Variants in FAT1 observed in about 807,000 individuals in gnomAD.
FAT1 encodes the protein FAT atypical cadherin 1.
A neutral mutation model predicts 329.8 loss-of-function variants in FAT1; 171 were observed. That is an observed-to-expected ratio of 0.52 (90% CI 0.46 to 0.59). The LOEUF (loss-of-function observed/expected upper bound fraction) is 0.59, where lower values mean the gene tolerates loss of function less well. Among genes scored for constraint, FAT1 ranks in the 20% least tolerant of loss-of-function variants. FAT1 has a pLI of 0.00. For missense variants in FAT1, 5,672 were observed against 5,774.4 expected, an observed-to-expected ratio of 0.98 and a Z score of 0.57; for synonymous variants, 2,233 against 2,228.6, an observed-to-expected ratio of 1.00 and a Z score of -0.06.
chr4:186,642,508 T>C (rs150881673), intron 3 of FAT1, among the ~76,000 whole-genome samples: 2,061 of 152,298 alleles, frequency 0.014, 29 homozygotes, highest in Non-Finnish European at 0.019. Flanking sequence ...AAATATGTGC[T>C]AGAGTGAGAG....
At chr4:186,694,691 A>G (rs1336384387) in intron 2 of FAT1, among the ~76,000 whole-genome samples, 4 of 152,150 alleles carry the variant, frequency 2.6e-5, no homozygotes, top group African/African-American at 7.2e-5. Context: ...GGCTGGGTAC[A>G]GTGGTTCACA....
In FAT1 at chr4:186,709,030, T is replaced by C. The variant is rs746262538; in HGVS notation, c.798A>G (p.Glu266=). 1 of 1,614,020 alleles carries C rather than the reference T, an allele frequency of 6.2e-7. No individual in the cohort carries two copies. Among genetic ancestry groups the C allele is most frequent in the South Asian group, 1.1e-5 (1 of 91,086 alleles). Residue 266 remains glutamate (E), a synonymous_variant, in exon 2 of 27, where the codon GAA becomes GAG. Coordinates refer to ENST00000441802, the MANE Select transcript of FAT1 (RefSeq NM_005245.4). The stretch of plus-strand genomic sequence containing the variant: ...TTGCATATGCTGGGTCCCTGTCCAG[T>C]TCTGATGGTGACAATGTCACTGCTG... ...VITAVTLSPS[E]LDRDPAYAIV...
At chr4:186,665,168 A>G (rs1009226077) in intron 2 of FAT1, among the ~76,000 whole-genome samples, 3 of 152,194 alleles carry the variant, frequency 2.0e-5, no homozygotes, top group Non-Finnish European at 2.9e-5. Context: ...ATTATTTCAT[A>G]CTGAACCTTC....
Position 186,709,459 on chromosome 4 carries a change from A to G in FAT1, c.369T>C (p.Leu123=), listed in dbSNP as rs2126704373. 1 of 1,613,948 alleles carries G rather than the reference A, an allele frequency of 6.2e-7. No individual in the cohort carries two copies. The highest frequency in any genetic ancestry group is 8.5e-7 in the Non-Finnish European group (1 of 1,179,890). ...KDHYTLIVKA[L]EKNTNVEART... ...GCGCCTCCACATTAGTATTTTTTTC[A>G]AGTGCTTTCACTATCAATGTGTAGT... is the stretch of plus-strand genomic sequence containing the variant. The change falls in exon 2 of 27, where the codon CTT becomes CTC. Residue 123 remains leucine, a synonymous_variant. Coordinates refer to ENST00000441802, the MANE Select transcript of FAT1 (RefSeq NM_005245.4).
At chr4:186,590,123 T>A (rs542669075) in intron 26 of FAT1, among the ~76,000 whole-genome samples, 14 of 149,278 alleles carry the variant, frequency 9.4e-5, no homozygotes, top group Admixed American at 4.7e-4. Flanking sequence ...ACCACTATTT[T>A]AAAAAAAAAC....
intron 21 of FAT1, among the ~76,000 whole-genome samples, chr4:186,600,939 T>C (rs1738784141): frequency 6.6e-6 from 1 of 152,230 alleles, no homozygotes; most frequent in Admixed American, 6.5e-5. Context: ...CTCAAATTCC[T>C]GACCTCAAGT....
Position 186,643,366 on chromosome 4 carries a change from A to G in FAT1, c.3581-3583T>C, listed in dbSNP as rs545659183. ...AGATATTTCAGACTGACAAAAACAA[A>G]CAAATAACAACAACAAACTTTCTTT... is the stretch of plus-strand genomic sequence containing the variant. On this transcript the variant is annotated intron_variant, in intron 3 of 26. Transcript: ENST00000441802. 1.2e-4 allele frequency among the ~76,000 whole-genome samples: 19 copies of G among 152,332 alleles called. No homozygotes were observed. In the East Asian group the frequency reaches 2.7e-3, roughly 22 times the overall value.
rs75594057 is a variant in FAT1, at chr4:186,699,961, G to A, written c.3265+6602C>T. On this transcript the variant is annotated intron_variant, in intron 2 of 26. Transcript: ENST00000441802. ...TGAACATTAAACCTCTACACACACA[G>A]GTCACTCAACAAATTACGAACACCC... Among the ~76,000 whole-genome samples the A allele has an allele frequency of 4.9e-4, 75 of 152,220 alleles. 1 individual carries two copies. The East Asian group carries it at 0.012, about 24-fold the overall frequency.
chr4:186,658,418 T>G (rs914283928), intron 3 of FAT1, among the ~76,000 whole-genome samples: 2 of 152,194 alleles, frequency 1.3e-5, no homozygotes, highest in Non-Finnish European at 2.9e-5. Context: ...GCTTTCTTGT[T>G]GTGACTTTTA....
At chr4:186,625,296 A>G (rs1251971234) in intron 9 of FAT1, among the ~76,000 whole-genome samples, 1 of 152,250 alleles carries the variant, frequency 6.6e-6, no homozygotes, top group Non-Finnish European at 1.5e-5. Context: ...ACCAGTGGAA[A>G]AAAACTTCAT....
chr4:186,654,333 G>A (rs1239893660), intron 3 of FAT1, among the ~76,000 whole-genome samples: 1 of 152,172 alleles, frequency 6.6e-6, no homozygotes, highest in Non-Finnish European at 1.5e-5. Flanking sequence ...CCTAACGAAA[G>A]TTCTGTTCCA....
Position 186,603,509 on chromosome 4 carries a change from C to T in FAT1, c.11017G>A (p.Val3673Met), listed in dbSNP as rs78759955. The T allele has an allele frequency of 1.2e-6, 2 of 1,613,984 alleles. No homozygotes were observed. The highest frequency in any genetic ancestry group is 1.3e-5 in the African/African-American group (1 of 75,050). Reference sequence around the variant, plus strand: ...ACAATCTGTATGTCGTTCCTCCTCACACCCAGGATGTTCCGTAAAGCTCGC... The same window carrying T: ...ACAATCTGTATGTCGTTCCTCCTCATACCCAGGATGTTCCGTAAAGCTCGC... ...FQRALRNILG[V>M]RRNDIQIVSL... The change falls in exon 19 of 27, where the codon GTG becomes ATG. Residue 3673 changes from valine (V) to methionine (M), a missense_variant. Coordinates refer to ENST00000441802, the MANE Select transcript of FAT1 (RefSeq NM_005245.4).
chr4:186,703,567 C>T (rs1039535602), intron 2 of FAT1, among the ~76,000 whole-genome samples: 2 of 152,216 alleles, frequency 1.3e-5, no homozygotes, highest in South Asian at 2.1e-4. Context: ...CAAACAGTTA[C>T]GTGGACAGGT....
rs1744870787 is a variant in FAT1, at chr4:186,709,843, A to C, written c.-16T>G. 1.3e-6 allele frequency: 2 copies of C among 1,576,554 alleles called. No individual in the cohort carries two copies. Among genetic ancestry groups the C allele is most frequent in the Non-Finnish European group, 1.7e-6 (2 of 1,157,418 alleles). ...GTCTCCCCATTGCTTAACTGTCGGG[A>C]ATCTGAAACAGAAGAAATCAGAATC... On this transcript the variant is annotated splice_region_variant and 5_prime_UTR_variant, in exon 2 of 27. It adds an upstream start codon to the 5' untranslated region. Transcript: ENST00000441802.
At chr4:186,666,669 A>G (rs1742451672) in intron 2 of FAT1, among the ~76,000 whole-genome samples, 1 of 152,222 alleles carries the variant, frequency 6.6e-6, no homozygotes, top group African/African-American at 2.4e-5. Flanking sequence ...TCTAAATGTG[A>G]CTAGAGGCAT....
chr4:186,595,059 C>T (rs1252564923), intron 26 of FAT1, among the ~76,000 whole-genome samples: 1 of 152,046 alleles, frequency 6.6e-6, no homozygotes, highest in Non-Finnish European at 1.5e-5. Context: ...GCAATTTACC[C>T]TATAGGGAAA....
intron 2 of FAT1, among the ~76,000 whole-genome samples, chr4:186,693,199 T>C (rs900980964): frequency 2.0e-5 from 3 of 152,246 alleles, no homozygotes; most frequent in Non-Finnish European, 4.4e-5. Flanking sequence ...ACCATATTGA[T>C]ATTTTCACAA....
At chr4:186,612,776 T>C (rs770502240) in intron 13 of FAT1, among the ~76,000 whole-genome samples, 23 of 152,306 alleles carry the variant, frequency 1.5e-4, no homozygotes, top group Middle Eastern at 3.4e-3. Context: ...TCCATTATGT[T>C]GCAATGAGGC....
intron 3 of FAT1, among the ~76,000 whole-genome samples, chr4:186,655,998 C>T (rs1176330631): frequency 1.3e-5 from 2 of 152,218 alleles, no homozygotes; most frequent in Non-Finnish European, 2.9e-5. Context: ...CAAGAGGAGG[C>T]CATACCACCG....
Sources: allele counts gnomAD v4.1 joint callset (sites outside exome capture counted in the v4.1 genomes callset), GRCh38; gene constraint gnomAD v4.1.1; transcripts MANE v1.5; gene names NCBI Gene and HGNC (gene_info 2026-07-23, HGNC 2026-07-21).